Variants in RHCE observed in about 807,000 individuals in gnomAD.
RHCE encodes Rh blood group CcEe antigens.
Under a neutral mutation model 43.8 loss-of-function variants are expected in RHCE, and 22 were observed. That is an observed-to-expected ratio of 0.50 (90% CI 0.36 to 0.72). The LOEUF (loss-of-function observed/expected upper bound fraction) is 0.72, where lower values mean the gene tolerates loss of function less well. Among genes scored for constraint, RHCE ranks in the 30% least tolerant of loss-of-function variants. The pLI, the probability that RHCE is intolerant of heterozygous loss-of-function variation, is 0.00. For missense variants in RHCE, 385 were observed against 525.4 expected (o/e 0.73, Z 2.61); for synonymous variants, 156 against 210.7 (o/e 0.74, Z 2.25).
chr1:25,373,213 C>A (rs1645667515), intron 8 of RHCE, among the ~76,000 whole-genome samples: 2 of 151,406 alleles, frequency 1.3e-5, no homozygotes, highest in Non-Finnish European at 2.9e-5. Context: ...TTTTTGACTC[C>A]AGTGAAGCAT....
rs757311755 is a variant in RHCE, at chr1:25,408,632, G to A, written c.335+51C>T. ...CAGATCTTCTGGAACCTGTCCTTTC[G>A]GGGTCCATTCCCTCTATGACCCAGA... On this transcript the variant is annotated intron_variant, in intron 2 of 9. Transcript: ENST00000294413. The A allele has an allele frequency of 2.8e-5, 32 of 1,143,038 alleles. 11 individuals carry two copies. Among genetic ancestry groups the A allele is most frequent in the Admixed American group, 1.3e-4 (5 of 39,264 alleles). 70.8% of individuals were successfully genotyped at this position (1,143,038 alleles called of 1,614,324 possible).
intron 9 of RHCE, among the ~76,000 whole-genome samples, chr1:25,369,966 T>C (rs1319857313): frequency 6.6e-6 from 1 of 151,516 alleles, no homozygotes; most frequent in Non-Finnish European, 1.5e-5. Context: ...CTCGAACTCC[T>C]GGCCTCAGGT....
At chr1:25,374,242 C>T (rs1427277238) in intron 8 of RHCE, among the ~76,000 whole-genome samples, 1 of 151,836 alleles carries the variant, frequency 6.6e-6, no homozygotes, top group African/African-American at 2.4e-5. Flanking sequence ...GTGCCCACCA[C>T]CACGCCTGGC....
In RHCE at chr1:25,392,065, G is replaced by C; in HGVS notation, c.563C>G (p.Pro188Arg). ...CTCCGTTCCCTTGGGTAGAGGCTTT[G>C]GCAGGCACCAGGCCACAGTCAGCCC... ...YFGLTVAWCL[P>R]KPLPKGTEDN... Residue 188 changes from proline to arginine, a missense_variant, in exon 4 of 10, where the codon CCA becomes CGA. Pro to Arg is a moderately radical substitution (Grantham distance 103, BLOSUM62 -2). Around this residue, in one of 6 missense-constraint regions of RHCE, gnomAD observed 110 missense variants for 103.4 expected, o/e 1.06. Transcript: ENST00000294413. 6.2e-7 allele frequency: 1 copy of C among 1,614,170 alleles called. No individual in the cohort carries two copies. The highest frequency in any genetic ancestry group is 8.5e-7 in the Non-Finnish European group (1 of 1,180,034).
At chr1:25,387,290 A>C (rs920468995) in intron 6 of RHCE, among the ~76,000 whole-genome samples, 2 of 152,182 alleles carry the variant, frequency 1.3e-5, no homozygotes, top group African/African-American at 4.8e-5. Context: ...CTTGGCTGTC[A>C]ACCGTTTCCT....
chr1:25,388,118 T>C (rs1160326837), intron 6 of RHCE, among the ~76,000 whole-genome samples: 1 of 149,914 alleles, frequency 6.7e-6, no homozygotes, highest in African/African-American at 2.5e-5. Context: ...TTTTTCCTAA[T>C]TTTAGGTTGG....
intron 7 of RHCE, among the ~76,000 whole-genome samples, chr1:25,384,477 G>T (rs28491276): frequency 6.6e-6 from 1 of 151,766 alleles, no homozygotes; most frequent in Non-Finnish European, 1.5e-5. Flanking sequence ...CTTACAGAGG[G>T]GAACTCTCAG....
chr1:25,369,347 C>G (rs907889614), intron 9 of RHCE, among the ~76,000 whole-genome samples: 4 of 151,698 alleles, frequency 2.6e-5, no homozygotes, highest in Non-Finnish European at 4.4e-5. Context: ...CAACACCGGG[C>G]AGCAGCCTGA....
chr1:25,376,836 C>A (rs943736297), intron 7 of RHCE, among the ~76,000 whole-genome samples: 1 of 151,948 alleles, frequency 6.6e-6, no homozygotes, highest in Non-Finnish European at 1.5e-5. Context: ...ACGGTGTGAA[C>A]CCAGGAGGTG....
intron 1 of RHCE, chr1:25,411,296 T>C: frequency 1.3e-6 from 2 of 1,549,406 alleles, no homozygotes; most frequent in South Asian, 2.4e-5. Context: ...AAATAGTGGC[T>C]GTTCATCAAC....
upstream of RHCE, among the ~76,000 whole-genome samples, chr1:25,425,482 T>C (rs1446396223): frequency 6.6e-6 from 1 of 152,200 alleles, no homozygotes; most frequent in Non-Finnish European, 1.5e-5. Flanking sequence ...GTGTTGCTAA[T>C]CACTTTGCAA....
chr1:25,402,671 C>T lies in RHCE; in HGVS notation c.411G>A (p.Ala137=), dbSNP rs760453753. The change falls in exon 3 of 10, where the codon GCG becomes GCA. Residue 137 remains alanine, a synonymous_variant. Transcript: ENST00000294413. The stretch of plus-strand genomic sequence containing the variant: ...CCACCAGCACCATCACCACCAACTG[C>T]GCCAAGTTGACCTTCCCCAAGACAG... The part of the protein sequence containing the change: ...AGAVLGKVNL[A]QLVVMVLVEV... The T allele has an allele frequency of 1.5e-5, 24 of 1,613,980 alleles. No homozygotes were observed. The East Asian group carries it at 2.2e-4, about 15-fold the overall frequency.
intron 1 of RHCE, chr1:25,429,118 G>C (rs1436271224): frequency 6.6e-6 from 1 of 151,662 alleles, no homozygotes; most frequent in Non-Finnish European, 1.5e-5. Flanking sequence ...TTGGTGTAAA[G>C]TTTCTCCCTG....
chr1:25,375,867 C>T (rs1645770433), intron 7 of RHCE, among the ~76,000 whole-genome samples: 1 of 133,938 alleles, frequency 7.5e-6, no homozygotes, highest in Admixed American at 7.7e-5. Context: ...GTGCAGTGGT[C>T]GGCTCACTGC....
At chr1:25,385,937 A>C (rs1646143475) in intron 6 of RHCE, 93 bp from the exon 7 acceptor site, 4 of 1,589,084 alleles carry the variant, frequency 2.5e-6, no homozygotes, top group Non-Finnish European at 3.5e-6. Context: ...GGCGCCACCA[A>C]ATGGGGATGG....
chr1:25,388,265 A>C (rs1183564664), intron 6 of RHCE, among the ~76,000 whole-genome samples: 1 of 130,674 alleles, frequency 7.7e-6, no homozygotes, highest in Non-Finnish European at 1.6e-5. Flanking sequence ...ATTATAACCA[A>C]TTGGCTATAA....
At chr1:25,386,052 G>C (rs917560837) in intron 6 of RHCE, among the ~76,000 whole-genome samples, 1 of 152,130 alleles carries the variant, frequency 6.6e-6, no homozygotes, top group African/African-American at 2.4e-5. Context: ...ATGTGGGGTG[G>C]GGTCTAAGAG....
intron 1 of RHCE, among the ~76,000 whole-genome samples, chr1:25,410,424 A>G (rs1647036230): frequency 6.6e-6 from 1 of 151,950 alleles, no homozygotes; most frequent in Non-Finnish European, 1.5e-5. Flanking sequence ...TTCTGCAACC[A>G]GCATGTAGAC....
intron 2 of RHCE, among the ~76,000 whole-genome samples, chr1:25,426,404 G>T (rs994933159): frequency 2.6e-5 from 4 of 152,166 alleles, no homozygotes. Flanking sequence ...TTCCAAGCCA[G>T]GAAAATCTTT....
Sources: gnomAD v4.1 joint callset for allele counts (sites outside exome capture counted in the v4.1 genomes callset) on GRCh38, gnomAD v4.1.1 for gene constraint, gnomAD v4.1.1 regional missense constraint, MANE v1.5 for transcripts, NCBI Gene and HGNC (gene_info 2026-07-23, HGNC 2026-07-21) for gene names.